Variants in MYO10 observed in about 807,000 individuals in gnomAD.
The protein encoded by MYO10 is unconventional myosin-X.
MYO10 carries 133 observed loss-of-function variants against 257.3 expected under a neutral mutation model. The observed-to-expected ratio is 0.52, with a 90% CI of 0.45 to 0.60. The LOEUF (loss-of-function observed/expected upper bound fraction) is 0.60, where lower values mean the gene tolerates loss of function less well. Among genes scored for constraint, MYO10 ranks in the 20% least tolerant of loss-of-function variants. The pLI, the probability that MYO10 is intolerant of heterozygous loss-of-function variation, is 0.00. For missense variants in MYO10, 2,399 were observed against 2,635.7 expected (o/e 0.91, Z 1.97); for synonymous variants, 1,104 against 1,028.6 (o/e 1.07, Z -1.40).
chr5:16,911,089 G>T (rs983709774), intron 1 of MYO10, among the ~76,000 whole-genome samples: 1 of 152,106 alleles, frequency 6.6e-6, no homozygotes, highest in Admixed American at 6.6e-5. Flanking sequence ...GATCACTTGA[G>T]GCCAGGAGTG....
intron 1 of MYO10, among the ~76,000 whole-genome samples, chr5:16,890,449 CATTAT>C (rs1745019117): frequency 6.6e-6 from 1 of 151,782 alleles, no homozygotes; most frequent in Admixed American, 6.6e-5. Flanking sequence ...TTCATAGCAG[CATTAT>C]GTGCAATAGC....
chr5:16,771,169 G>A (rs1314786955), intron 9 of MYO10, among the ~76,000 whole-genome samples: 4 of 152,140 alleles, frequency 2.6e-5, no homozygotes, highest in South Asian at 4.1e-4. Context: ...ATACATGAGC[G>A]ATAAAAATAG....
chr5:16,748,604 A>AAGAGGGAG (rs1186196120), intron 19 of MYO10, among the ~76,000 whole-genome samples: 27 of 120,910 alleles, frequency 2.2e-4, no homozygotes, highest in South Asian at 8.1e-4. Flanking sequence ...AGAAAAGAAA[A>AAGAGGGAG]AGAGGGAGAG....
rs946266485 is a variant in MYO10, at chr5:16,663,367, T to A, written c.*3325A>T. On this transcript the variant is annotated 3_prime_UTR_variant, in exon 41 of 41. Coordinates refer to ENST00000513610, the MANE Select transcript of MYO10 (RefSeq NM_012334.3). Reference sequence around the variant, plus strand: ...TTTTTTTTTTTTTTTTTTTTTTTTTTACAAATCACCTATATGTATTAGCTT... The same window carrying A: ...TTTTTTTTTTTTTTTTTTTTTTTTTAACAAATCACCTATATGTATTAGCTT... 4.0e-5 allele frequency: 5 copies of A among 124,602 alleles called. No homozygotes were observed. The highest frequency in any genetic ancestry group is 5.5e-4 in the South Asian group (2 of 3,658). 7.7% of individuals were successfully genotyped at this position (124,602 alleles called of 1,614,324 possible). A position where few individuals can be genotyped will look rare whatever the true frequency, so the allele number is the denominator to read the frequency against.
chr5:16,812,091 C>T (rs779114075), intron 3 of MYO10, among the ~76,000 whole-genome samples: 6 of 152,160 alleles, frequency 3.9e-5, no homozygotes, highest in Non-Finnish European at 8.8e-5. Context: ...GAGCCAACCC[C>T]CTCTCCTCAA....
intron 19 of MYO10, among the ~76,000 whole-genome samples, chr5:16,713,004 G>A (rs1422425684): frequency 6.6e-6 from 1 of 152,180 alleles, no homozygotes; most frequent in Non-Finnish European, 1.5e-5. Context: ...ATGCTTCTGT[G>A]AGATTTATTT....
intron 2 of MYO10, among the ~76,000 whole-genome samples, chr5:16,837,856 A>G (rs1225278446): frequency 6.6e-6 from 1 of 152,198 alleles, no homozygotes; most frequent in Non-Finnish European, 1.5e-5. Flanking sequence ...TGTTTTTACA[A>G]CAGCAGGTGC....
chr5:16,753,693 A>AG (rs1740448646), intron 19 of MYO10, among the ~76,000 whole-genome samples: 1 of 139,142 alleles, frequency 7.2e-6, no homozygotes, highest in Non-Finnish European at 1.6e-5. Context: ...CTGGTCTCAA[A>AG]TTCCTGACCT....
intron 19 of MYO10, among the ~76,000 whole-genome samples, chr5:16,714,679 C>T (rs1238962854): frequency 1.3e-5 from 2 of 152,088 alleles, no homozygotes; most frequent in African/African-American, 4.8e-5. Context: ...CAAAATTAGC[C>T]GGGCGTGGTG....
At chr5:16,866,090 C>CA (rs1202430577) in intron 2 of MYO10, among the ~76,000 whole-genome samples, 2 of 147,388 alleles carry the variant, frequency 1.4e-5, no homozygotes, top group African/African-American at 5.0e-5. Flanking sequence ...AGCTCTAGTC[C>CA]AAAAAAAATT....
chr5:16,837,101 A>T (rs920418230), intron 2 of MYO10, among the ~76,000 whole-genome samples: 10 of 152,174 alleles, frequency 6.6e-5, no homozygotes, highest in Non-Finnish European at 1.5e-5. Context: ...ACCTGAGGTC[A>T]GGAGTTCGAG....
At chr5:16,683,357 G>A (rs1306047159) in intron 30 of MYO10, among the ~76,000 whole-genome samples, 5 of 152,140 alleles carry the variant, frequency 3.3e-5, no homozygotes, top group South Asian at 2.1e-4. Flanking sequence ...GCACAAAGAC[G>A]CGTAAGATCA....
At chr5:16,815,652 G>A (rs1277710933) in intron 3 of MYO10, among the ~76,000 whole-genome samples, 2 of 152,206 alleles carry the variant, frequency 1.3e-5, no homozygotes, top group Non-Finnish European at 2.9e-5. Flanking sequence ...AAACTGCTAT[G>A]TAAACAAATA....
chr5:16,815,608 A>G, intron 3 of MYO10: 1 of 609,104 alleles, frequency 1.6e-6, no homozygotes, highest in Non-Finnish European at 2.9e-6. Flanking sequence ...TGGTTCCAGG[A>G]AGACAAAATA....
rs60220298 is a variant in MYO10, at chr5:16,910,131, G to C, written c.21+25657C>G. Among the ~76,000 whole-genome samples the C allele has an allele frequency of 1.1e-3, 160 of 152,238 alleles. No individual in the cohort carries two copies. In the East Asian group the frequency reaches 0.026, roughly 25 times the overall value. The stretch of plus-strand genomic sequence containing the variant: ...AGATAACAGGTATGGGTTTTATTTA[G>C]GGGTATTGAAATTGTTCTGAAACTA... On this transcript the variant is annotated intron_variant, in intron 1 of 40. Transcript: ENST00000513610.
At chr5:16,784,219 T>G (rs1404300133) in intron 4 of MYO10, among the ~76,000 whole-genome samples, 1 of 152,092 alleles carries the variant, frequency 6.6e-6, no homozygotes, top group Admixed American at 6.5e-5. Flanking sequence ...GAAAGATTCT[T>G]ATGGGAGAAT....
At chr5:16,703,986 G>A (rs541603762) in intron 22 of MYO10, among the ~76,000 whole-genome samples, 4 of 151,308 alleles carry the variant, frequency 2.6e-5, no homozygotes, top group East Asian at 2.0e-4. Context: ...CAGCCAGGCC[G>A]CTGTGGCTTC....
intron 19 of MYO10, among the ~76,000 whole-genome samples, chr5:16,721,088 C>A (rs1057394510): frequency 6.6e-6 from 1 of 152,124 alleles, no homozygotes; most frequent in Non-Finnish European, 1.5e-5. Context: ...CTTCTGATAA[C>A]CCCTCTTCAA....
rs61743057 is a variant in MYO10, at chr5:16,794,746, G to A, written c.367C>T (p.Arg123Trp). The stretch of plus-strand genomic sequence containing the variant: ...GGGGGCAGCTCGCCCAGGTGGCGCC[G>A]GCTGTACTGCTCCATGGTGGCAGGC... ...YEPATMEQYS[R>W]RHLGELPPHI... is the part of the protein sequence containing the mutation. Residue 123 changes from arginine to tryptophan, a missense_variant, in exon 4 of 41, where the codon CGG (arginine) becomes TGG (tryptophan). By Grantham distance (101) the Arg-to-Trp change is moderately radical. This residue lies in a region of MYO10 where 242 missense variants were observed against 249.5 expected (regional missense o/e 0.97). Transcript: ENST00000513610. The A allele has an allele frequency of 8.8e-3, 14,152 of 1,612,424 alleles. 73 individuals are homozygous for A. Among genetic ancestry groups the A allele is most frequent in the Non-Finnish European group, 0.011 (12,383 of 1,179,282 alleles).
Sources: gnomAD v4.1 joint callset for allele counts (sites outside exome capture counted in the v4.1 genomes callset) on GRCh38, gnomAD v4.1.1 for gene constraint, gnomAD v4.1.1 regional missense constraint, MANE v1.5 for transcripts, NCBI Gene and HGNC (gene_info 2026-07-23, HGNC 2026-07-21) for gene names.